The following SHANK2 variants were observed in gnomAD, a reference collection of about 807,000 sequenced individuals.
The protein encoded by SHANK2 is SH3 and multiple ankyrin repeat domains 2.
Under a neutral mutation model 133.7 loss-of-function variants are expected in SHANK2, and 43 were observed. The observed-to-expected ratio is 0.32, with a 90% confidence interval of 0.25 to 0.41. The LOEUF (loss-of-function observed/expected upper bound fraction) is 0.41, where lower values mean the gene tolerates loss of function less well. Among genes scored for constraint, SHANK2 ranks in the 10% least tolerant of loss-of-function variants. The pLI is 1.00. For synonymous variants in SHANK2, 1,017 were observed against 952.8 expected (o/e 1.07, Z -1.24); for missense variants, 1,994 against 2,235.8 (o/e 0.89, Z 2.18).
At chr11:71,150,264 A>G (rs1181727715) in intron 2 of SHANK2, among the ~76,000 whole-genome samples, 1 of 36,196 alleles carries the variant, frequency 2.8e-5, no homozygotes, top group Non-Finnish European at 5.2e-5. Context: ...GGAGGGAGGG[A>G]GAGGGAGGGA....
Position 70,720,736 on chromosome 11 carries a change from C to T in SHANK2, c.1778-21973G>A, listed in dbSNP as rs370924018. 1.3e-4 allele frequency among the ~76,000 whole-genome samples: 20 copies of T among 151,670 alleles called. No individual in the cohort carries two copies. In the South Asian group the frequency reaches 2.7e-3, roughly 20 times the overall value. Reference sequence around the variant, plus strand: ...ATACATGTGCTGACACACGTGAACACGCATGTGAACATACACACACACATT... The same window carrying T: ...ATACATGTGCTGACACACGTGAACATGCATGTGAACATACACACACACATT... On this transcript the variant is annotated intron_variant, in intron 14 of 25. Transcript: ENST00000601538.
chr11:70,648,330 GA>G (rs1252853746), intron 17 of SHANK2, among the ~76,000 whole-genome samples: 8 of 149,998 alleles, frequency 5.3e-5, no homozygotes, highest in South Asian at 4.2e-4. Context: ...ATACCCAAGT[GA>G]AAAAAAAAGT....
chr11:70,515,468 A>G (rs1368394055), intron 17 of SHANK2, among the ~76,000 whole-genome samples: 2 of 151,894 alleles, frequency 1.3e-5, no homozygotes, highest in Non-Finnish European at 2.9e-5. Flanking sequence ...TTCTTTTCTG[A>G]GAAATTCTTT....
intron 21 of SHANK2, among the ~76,000 whole-genome samples, chr11:70,499,196 G>T (rs2059015309): frequency 6.6e-6 from 1 of 152,268 alleles, no homozygotes; most frequent in Non-Finnish European, 1.5e-5. Flanking sequence ...GGGGCTGTCA[G>T]CAACGCTCGG....
chr11:70,484,976 C>T (rs1464047270), intron 25 of SHANK2, among the ~76,000 whole-genome samples: 1 of 152,150 alleles, frequency 6.6e-6, no homozygotes, highest in Non-Finnish European at 1.5e-5. Flanking sequence ...TCTAAACGGC[C>T]TTCTAGGTGG....
chr11:71,064,602 G>A (rs1951025151), intron 9 of SHANK2, among the ~76,000 whole-genome samples: 1 of 152,212 alleles, frequency 6.6e-6, no homozygotes, highest in South Asian at 2.1e-4. Flanking sequence ...GAGGCTGGAT[G>A]GTGAATACAT....
rs938411211 is a variant in SHANK2 at position 70,472,578 on chromosome 11, C to T, written c.*291G>A. 14 of 464,628 alleles carry T rather than the reference C, an allele frequency of 3.0e-5. No homozygotes were observed. Among genetic ancestry groups the T allele is most frequent in the Non-Finnish European group, 4.4e-5 (11 of 252,434 alleles). The allele number at this position is 464,628 out of a possible 1,614,324, so 28.8% of individuals were successfully genotyped here. ...GGGGAGCCTCTCGGACCCGGCAAAG[C>T]GAGGCCACCTGCATGCTGGGCGGCA... is the stretch of plus-strand genomic sequence containing the variant. On this transcript the variant is annotated 3_prime_UTR_variant, in exon 26 of 26. Transcript: ENST00000601538. The surrounding 1 kb of genome is among the most constrained non-coding windows in gnomAD (Gnocchi z 4.4).
At chr11:70,884,283 G>A (rs572335266) in intron 11 of SHANK2, among the ~76,000 whole-genome samples, 63 of 152,300 alleles carry the variant, frequency 4.1e-4, no homozygotes, top group African/African-American at 1.4e-3. Context: ...CCTGCAATGC[G>A]TGGAACGGGC....
chr11:70,486,862 G>C lies in SHANK2; in HGVS notation c.3431C>G (p.Pro1144Arg). The C allele has an allele frequency of 1.2e-6, 2 of 1,612,750 alleles. No homozygotes were observed. The highest frequency in any genetic ancestry group is 1.7e-6 in the Non-Finnish European group (2 of 1,179,930). ...CTCCCTGGGCGTGGCACTCGGCATG[G>C]GGGATGACAGCTGCTCAGCGCTGTC... ...DEDSAEQLSS[P>R]MPSATPREPE... is the part of the protein sequence containing the mutation. The change falls in exon 25 of 26, where the codon CCC becomes CGC. Residue 1144 changes from proline to arginine, a missense_variant. By Grantham distance (103) the Pro-to-Arg change is moderately radical (BLOSUM62 -2). Transcript: ENST00000601538. This position sits in a 1 kb window ranked among gnomAD's most constrained non-coding sequence, Gnocchi z 8.0.
At chr11:71,128,310 G>T (rs1952229990) in intron 3 of SHANK2, among the ~76,000 whole-genome samples, 1 of 152,210 alleles carries the variant, frequency 6.6e-6, no homozygotes, top group African/African-American at 2.4e-5. Flanking sequence ...GTGATGTCCA[G>T]ATCCTTCCGA....
intron 17 of SHANK2, chr11:70,631,305 A>G (rs2060982291): frequency 6.6e-6 from 1 of 152,010 alleles, no homozygotes; most frequent in Admixed American, 6.6e-5. Context: ...AGAATTGTAC[A>G]AGTGGCACAT....
intron 11 of SHANK2, among the ~76,000 whole-genome samples, chr11:70,853,014 A>G (rs1590759663): frequency 6.6e-6 from 1 of 151,522 alleles, no homozygotes; most frequent in Non-Finnish European, 1.5e-5. Context: ...GAGCCCCACA[A>G]CCCTGCCCTG....
rs565575772 is a variant in SHANK2 at position 71,193,737 on chromosome 11, C to T, written c.-13+30960G>A. Among the ~76,000 whole-genome samples the T allele has an allele frequency of 4.6e-5, 7 of 152,320 alleles. No individual in the cohort carries two copies. The South Asian group carries it at 6.2e-4, about 14-fold the overall frequency. ...GAAACCACAGAGACACGCTGTCCCACGCCCCCGGAGGCCAGGAGGCCCAGG... is the reference window on the plus strand; with the variant it reads ...GAAACCACAGAGACACGCTGTCCCATGCCCCCGGAGGCCAGGAGGCCCAGG... On this transcript the variant is annotated intron_variant, in intron 2 of 25. Transcript: ENST00000601538.
chr11:70,694,856 T>TC (rs1555021879), intron 15 of SHANK2, among the ~76,000 whole-genome samples: 9 of 152,274 alleles, frequency 5.9e-5, no homozygotes, highest in Admixed American at 1.3e-4. Context: ...CTGCCCGCTC[T>TC]CTGCCTGCAC....
intron 9 of SHANK2, among the ~76,000 whole-genome samples, chr11:71,062,671 C>G (rs1253684431): frequency 6.6e-6 from 1 of 152,182 alleles, no homozygotes; most frequent in African/African-American, 2.4e-5. Flanking sequence ...CCCATCTCCT[C>G]TTATTTCTCA....
chr11:71,085,726 A>T (rs1450176815), intron 8 of SHANK2, among the ~76,000 whole-genome samples: 1,896 of 43,356 alleles, frequency 0.044, 39 homozygotes, highest in East Asian at 0.12. Flanking sequence ...TATATTATAT[A>T]AAATATAATA....
chr11:70,712,236 C>A (rs1325457105), intron 14 of SHANK2, among the ~76,000 whole-genome samples: 2 of 152,204 alleles, frequency 1.3e-5, no homozygotes, highest in East Asian at 3.9e-4. Context: ...TGACTCTCAG[C>A]CCTATGCCTC....
In SHANK2 at chr11:70,487,507, G is replaced by C; in HGVS notation, c.2786C>G (p.Ala929Gly). 6.2e-7 allele frequency: 1 copy of C among 1,613,932 alleles called. No individual in the cohort carries two copies. Among genetic ancestry groups the C allele is most frequent in the Non-Finnish European group, 8.5e-7 (1 of 1,180,012 alleles). ...TIKPAFNQNS[A>G]AKVSPATRSD... ...CCTGGTGGCGGGGGACACCTTGGCGGCAGAATTCTGATTGAACGCAGGCTT... is the reference window on the plus strand; with the variant it reads ...CCTGGTGGCGGGGGACACCTTGGCGCCAGAATTCTGATTGAACGCAGGCTT... The change falls in exon 25 of 26, where the codon GCC becomes GGC. Residue 929 changes from alanine to glycine, a missense_variant. This residue lies in a region of SHANK2 where 488 missense variants were observed against 642.6 expected (regional missense o/e 0.76). Coordinates refer to ENST00000601538, the MANE Select transcript of SHANK2 (RefSeq NM_012309.5). This position sits in a 1 kb window ranked among gnomAD's most constrained non-coding sequence, Gnocchi z 5.8.
intron 2 of SHANK2, among the ~76,000 whole-genome samples, chr11:71,167,464 G>A (rs1462549662): frequency 9.7e-5 from 12 of 123,230 alleles, no homozygotes; most frequent in South Asian, 2.9e-4. Flanking sequence ...GGGCAGAGGG[G>A]CTCCTCACTT....
Sources: gnomAD v4.1 joint callset for allele counts (sites outside exome capture counted in the v4.1 genomes callset) on GRCh38, gnomAD v4.1.1 for gene constraint, gnomAD v4.1.1 regional missense constraint, Gnocchi (gnomAD v3.1) non-coding constraint, MANE v1.5 for transcripts, NCBI Gene and HGNC (gene_info 2026-07-23, HGNC 2026-07-21) for gene names.